TMEM232: variants seen among roughly 807,000 people sequenced by gnomAD.
The protein encoded by TMEM232 is transmembrane protein 232.
In TMEM232, 80 loss-of-function variants were observed where a neutral mutation model predicts 78.8. The observed-to-expected ratio is 1.01, with a 90% CI of 0.85 to 1.22. TMEM232 has a LOEUF of 1.22. TMEM232 is among the 50% of genes most tolerant of loss of function. TMEM232 has a pLI of 0.00. For synonymous variants in TMEM232, 297 were observed against 254.3 expected, an observed-to-expected ratio of 1.17 and a Z score of -1.60; for missense variants, 881 against 742.2, an observed-to-expected ratio of 1.19 and a Z score of -2.17.
At chr5:110,676,963 G>A (rs1286200712) in intron 1 of TMEM232, among the ~76,000 whole-genome samples, 1 of 152,020 alleles carries the variant, frequency 6.6e-6, no homozygotes, top group Non-Finnish European at 1.5e-5. Flanking sequence ...GATTCACCAT[G>A]TTGGTCAGGC....
At chr5:110,626,405 C>A (rs1034540709) in intron 6 of TMEM232, among the ~76,000 whole-genome samples, 1 of 152,002 alleles carries the variant, frequency 6.6e-6, no homozygotes, top group Non-Finnish European at 1.5e-5. Context: ...TATCAGTCTA[C>A]GGCCACATCT....
At chr5:110,695,130 A>C (rs1303069424) in intron 1 of TMEM232, among the ~76,000 whole-genome samples, 2 of 152,356 alleles carry the variant, frequency 1.3e-5, no homozygotes, top group Middle Eastern at 3.4e-3. Flanking sequence ...ATCAAACTAG[A>C]ACTCAGCATT....
upstream of TMEM232, among the ~76,000 whole-genome samples, chr5:110,728,852 C>CT (rs36095992): frequency 0.82 from 115,453 of 140,562 alleles, 47,618 homozygotes; most frequent in Non-Finnish European, 0.9. Flanking sequence ...TTTTTTTCTG[C>CT]TTTTTTTTTT....
At chr5:110,540,004 C>T (rs1218725429) in intron 11 of TMEM232, among the ~76,000 whole-genome samples, 2 of 152,058 alleles carry the variant, frequency 1.3e-5, no homozygotes, top group African/African-American at 2.4e-5. Flanking sequence ...TAGTAAAGCC[C>T]CTGTATGAAG....
At chr5:110,609,526 C>T (rs186657976) in intron 8 of TMEM232, among the ~76,000 whole-genome samples, 1 of 151,752 alleles carries the variant, frequency 6.6e-6, no homozygotes, top group African/African-American at 2.4e-5. Context: ...TCTCATCTCT[C>T]CATATTTTTT....
intron 12 of TMEM232, among the ~76,000 whole-genome samples, chr5:110,457,899 G>T (rs1278891397): frequency 6.6e-6 from 1 of 151,976 alleles, no homozygotes. Flanking sequence ...GTATATTCAT[G>T]TATATGTAAT....
chr5:110,572,072 G>A (rs936399688), intron 10 of TMEM232, among the ~76,000 whole-genome samples: 2 of 151,992 alleles, frequency 1.3e-5, no homozygotes, highest in African/African-American at 4.8e-5. Flanking sequence ...TAGCTATGGG[G>A]AAAGAGTCAG....
chr5:110,676,803 G>A (rs1449617639), intron 1 of TMEM232, among the ~76,000 whole-genome samples: 2 of 151,088 alleles, frequency 1.3e-5, no homozygotes, highest in Non-Finnish European at 1.5e-5. Context: ...CTGTTGCCCA[G>A]GCTGGAGTGC....
chr5:110,685,818 A>C (rs1793327503), intron 1 of TMEM232, among the ~76,000 whole-genome samples: 1 of 152,168 alleles, frequency 6.6e-6, no homozygotes. Flanking sequence ...GTAACAACAA[A>C]GAACAAATTA....
At position 110,579,038 on chromosome 5, in the gene TMEM232, C is replaced by T. The variant is rs527998474; in HGVS notation, c.1277-10413G>A. 2.0e-5 allele frequency among the ~76,000 whole-genome samples: 3 copies of T among 151,754 alleles called. No individual in the cohort carries two copies. The East Asian group carries it at 5.8e-4, about 29-fold the overall frequency. The stretch of plus-strand genomic sequence containing the variant: ...CAAATAAAATTAACCCAAAGAAATT[C>T]ACACTGAGACACATTATATTCTAGA... On this transcript the variant is annotated intron_variant, in intron 10 of 13. Transcript: ENST00000455884.
At chr5:110,657,343 C>A (rs1266088602) in intron 2 of TMEM232, among the ~76,000 whole-genome samples, 5 of 151,754 alleles carry the variant, frequency 3.3e-5, no homozygotes, top group Non-Finnish European at 5.9e-5. Flanking sequence ...GATACAGAAT[C>A]AACCTATATG....
chr5:110,388,744 G>T (rs551127532), intron 4 of TMEM232, among the ~76,000 whole-genome samples: 1 of 152,228 alleles, frequency 6.6e-6, no homozygotes, highest in East Asian at 1.9e-4. Flanking sequence ...ATTGTTCAAG[G>T]AAAATAAAAA....
intron 1 of TMEM232, among the ~76,000 whole-genome samples, chr5:110,672,262 T>C (rs562131117): frequency 6.6e-6 from 1 of 152,322 alleles, no homozygotes; most frequent in African/African-American, 2.4e-5. Flanking sequence ...CTGCTGCTAA[T>C]AGTGGTAGAT....
At chr5:110,665,457 G>T (rs1790435862) in intron 2 of TMEM232, among the ~76,000 whole-genome samples, 1 of 152,024 alleles carries the variant, frequency 6.6e-6, no homozygotes, top group Non-Finnish European at 1.5e-5. Context: ...CATGGCTGGG[G>T]AGGCCACAGG....
intron 5 of TMEM232, among the ~76,000 whole-genome samples, chr5:110,631,299 T>G (rs1048913041): frequency 7.2e-5 from 11 of 152,134 alleles, no homozygotes; most frequent in African/African-American, 2.4e-4. Context: ...TGTCTGAGGC[T>G]ATGAGAAGAA....
rs1455799753 is a variant in TMEM232 at position 110,675,265 on chromosome 5, G to GACCTCTTGAC, written c.-12-7911_-12-7902dup. On this transcript the variant is annotated intron_variant, in intron 1 of 13. Transcript: ENST00000455884. ...TCACTATGTTGGTCAGGCTGGTCTC[G>GACCTCTTGAC]ACCTCTTGACCTCAAGTGATCTGCC... Among the ~76,000 whole-genome samples the GACCTCTTGAC allele has an allele frequency of 2.3e-4, 35 of 151,892 alleles. No homozygotes were observed. The South Asian group carries it at 7.1e-3, about 31-fold the overall frequency.
In TMEM232 at chr5:110,642,340, A is replaced by G. The variant is rs1319977422; in HGVS notation, c.157T>C (p.Leu53=). The G allele has an allele frequency of 6.5e-7, 1 of 1,535,186 alleles. No homozygotes were observed. Among genetic ancestry groups the G allele is most frequent in the African/African-American group, 1.4e-5 (1 of 72,056 alleles). Residue 53 remains leucine, a synonymous_variant, in exon 3 of 14, where the codon TTG becomes CTG. Coordinates refer to ENST00000455884, the MANE Select transcript of TMEM232 (RefSeq NM_001039763.4). The stretch of plus-strand genomic sequence containing the variant: ...GAATTTTGTGTTTGATTGAATCTCA[A>G]GATGAATTCTTTTGTGATTGAAAAT... ...PTFSITKEFI[L]RFNQTQNSKE...
chr5:110,543,348 C>T (rs564058427), intron 11 of TMEM232, among the ~76,000 whole-genome samples: 5 of 152,222 alleles, frequency 3.3e-5, no homozygotes, highest in Admixed American at 6.5e-5. Flanking sequence ...GATGTCCGTG[C>T]CCTTTGTCTA....
chr5:110,736,769 A>C (rs1209772971), intron 1 of TMEM232, among the ~76,000 whole-genome samples: 1 of 151,712 alleles, frequency 6.6e-6, no homozygotes, highest in Non-Finnish European at 1.5e-5. Context: ...AAAAAACCTA[A>C]ATTTTGTTCA....
Sources: allele counts gnomAD v4.1 joint callset (sites outside exome capture counted in the v4.1 genomes callset), GRCh38; gene constraint gnomAD v4.1.1; transcripts MANE v1.5; gene names NCBI Gene and HGNC (gene_info 2026-07-23, HGNC 2026-07-21).